DBNL: variants seen among roughly 807,000 people sequenced by gnomAD.
DBNL encodes the protein drebrin-like protein.
A neutral mutation model predicts 62.2 loss-of-function variants in DBNL; 35 were observed. The ratio of observed to expected loss-of-function variants is 0.56; its 90% CI spans 0.43 to 0.75. The LOEUF is 0.75. DBNL is among the 30% of genes least tolerant of loss of function. The probability of loss-of-function intolerance (pLI) is 0.00; values close to 1 mark genes in which losing one functional copy is unlikely to be tolerated. For missense variants in DBNL, 495 were observed against 578.4 expected (o/e 0.86, Z 1.48); for synonymous variants, 197 against 218.0 (o/e 0.90, Z 0.85).
In DBNL at chr7:44,056,835, T is replaced by A; in HGVS notation, c.406T>A (p.Ser136Thr). The stretch of plus-strand genomic sequence containing the variant: ...CATCATGGAGAAGGTGGCCAAGGCT[T>A]CAGGTGCCAACTACAGCTTTCACAA... ...ECIMEKVAKA[S>T]GANYSFHKES... The change falls in exon 5 of 13, where the codon TCA becomes ACA. Residue 136 changes from serine (S) to threonine (T), a missense_variant. By Grantham distance (58) the Ser-to-Thr change is moderately conservative. Transcript: ENST00000448521. 2 of 1,614,064 alleles carry A rather than the reference T, an allele frequency of 1.2e-6. No homozygotes were observed. The highest frequency in any genetic ancestry group is 1.7e-6 in the Non-Finnish European group (2 of 1,179,996).
intron 4 of DBNL, among the ~76,000 whole-genome samples, chr7:44,054,379 G>A (rs1405907859): frequency 1.3e-5 from 2 of 152,128 alleles, no homozygotes; most frequent in African/African-American, 2.4e-5. Context: ...TTTTAGTAGA[G>A]ATGGTGTTTC....
In DBNL at chr7:44,063,111, A is replaced by G. The variant is rs578085644; in HGVS notation, c.*2195A>G. On this transcript the variant is annotated 3_prime_UTR_variant, in exon 13 of 13. Transcript: ENST00000448521. ...AAGGAGTAACTGAGTTAGACCAAGC[A>G]GCCTACAGAAATAGCCCAGTGGTGA... 31 of 672,222 alleles carry G rather than the reference A, an allele frequency of 4.6e-5. 1 individual carries two copies. The East Asian group carries it at 4.8e-4, about 10-fold the overall frequency. 41.6% of individuals were successfully genotyped at this position (672,222 alleles called of 1,614,324 possible).
chr7:44,062,912 ATCGCCTGG>A lies in DBNL; in HGVS notation c.*1999_*2006del. The A allele has an allele frequency of 6.2e-7, 1 of 1,614,152 alleles. No homozygotes were observed. The highest frequency in any genetic ancestry group is 8.5e-7 in the Non-Finnish European group (1 of 1,180,010). ...CCCCGTGGGCAGGTTCAGCTCCATG[ATCGCCTGG>A]TCTGACATCCCTATGCCGGAAGGAA... On this transcript the variant is annotated 3_prime_UTR_variant, in exon 13 of 13. Coordinates refer to ENST00000448521, the MANE Select transcript of DBNL (RefSeq NM_001014436.3).
rs759418955 is a variant in DBNL, at chr7:44,051,836, G to A, written c.146G>A (p.Gly49Asp). 6.2e-7 allele frequency: 1 copy of A among 1,613,990 alleles called. No homozygotes were observed. The highest frequency in any genetic ancestry group is 1.3e-5 in the African/African-American group (1 of 74,928). Residue 49 changes from glycine (G) to aspartate (D), a missense_variant, in exon 3 of 13, where the codon GGC (glycine) becomes GAC (aspartate). Physicochemically the swap from Gly to Asp is moderately conservative, Grantham distance 94 (BLOSUM62 -1). Transcript: ENST00000448521. ...DIRVAGTGEG[G>D]LEEMVEELNS... is the part of the protein sequence containing the mutation. ...CACTGTGACTCTGCTGCAGAGGGTGGCCTGGAGGAGATGGTGGAGGAGCTC... is the reference window on the plus strand; with the variant it reads ...CACTGTGACTCTGCTGCAGAGGGTGACCTGGAGGAGATGGTGGAGGAGCTC...
chr7:44,064,801 A>AGCCC lies in DBNL; in HGVS notation c.*3885_*3886insGCCC. On this transcript the variant is annotated 3_prime_UTR_variant, in exon 13 of 13. Coordinates refer to ENST00000448521, the MANE Select transcript of DBNL (RefSeq NM_001014436.3). ...AGCCAGCTGGGGCTGCTGCCCACCCACCCTGCCCAGGCTCCTGAAGGTGGC... is the reference window on the plus strand; with the variant it reads ...AGCCAGCTGGGGCTGCTGCCCACCCAGCCCCCCTGCCCAGGCTCCTGAAGGTGGC... The AGCCC allele has an allele frequency of 1.4e-6, 1 of 706,516 alleles. No homozygotes were observed. The highest frequency in any genetic ancestry group is 3.9e-5 in the East Asian group (1 of 25,342). The allele number at this position is 706,516 out of a possible 1,614,324, so 43.8% of individuals were successfully genotyped here.
At chr7:44,050,580 G>A (rs2096124907) in intron 2 of DBNL, 3 of 314,350 alleles carry the variant, frequency 9.5e-6, no homozygotes, top group Non-Finnish European at 1.2e-5. Flanking sequence ...AAGCTCACCA[G>A]TCCCAGAACT....
In DBNL at chr7:44,064,588, C is replaced by T. The variant is rs926106342; in HGVS notation, c.*3672C>T. ...TGGCAGATGCCACCTTTGGAGCCTG[C>T]CCCACCTCGGGACACAGCGAGCTTC... On this transcript the variant is annotated 3_prime_UTR_variant, in exon 13 of 13. Coordinates refer to ENST00000448521, the MANE Select transcript of DBNL (RefSeq NM_001014436.3). The T allele has an allele frequency of 1.8e-6, 1 of 553,272 alleles. No homozygotes were observed. The highest frequency in any genetic ancestry group is 3.3e-6 in the Non-Finnish European group (1 of 307,216). 34.3% of individuals were successfully genotyped at this position (553,272 alleles called of 1,614,324 possible). A position where few individuals can be genotyped will look rare whatever the true frequency, so the allele number is the denominator to read the frequency against.
At chr7:44,050,030 G>A in intron 1 of DBNL, 195 bp from the exon 2 acceptor site, 2 of 544,666 alleles carry the variant, frequency 3.7e-6, no homozygotes. Context: ...CAGCTGCAGA[G>A]CTGAGAAGGC....
chr7:44,065,282 C>T lies in DBNL; in HGVS notation c.*4366C>T, dbSNP rs139100874. On this transcript the variant is annotated 3_prime_UTR_variant, in exon 13 of 13. Transcript: ENST00000448521. Reference sequence around the variant, plus strand: ...ATGCCGCTCATTGAGGCGCCAAGTGCGCACCACAGGCAGCCACATCTGGTC... The same window carrying T: ...ATGCCGCTCATTGAGGCGCCAAGTGTGCACCACAGGCAGCCACATCTGGTC... The T allele has an allele frequency of 1.5e-5, 24 of 1,613,600 alleles. No homozygotes were observed. The East Asian group carries it at 2.5e-4, about 16-fold the overall frequency.
rs1275523030 is a variant in DBNL, at chr7:44,069,208, A to C, written c.*8292A>C. The C allele has an allele frequency of 1.3e-5, 2 of 152,256 alleles. No homozygotes were observed. The highest frequency in any genetic ancestry group is 3.8e-4 in the East Asian group (2 of 5,204). 9.4% of individuals were successfully genotyped at this position (152,256 alleles called of 1,614,324 possible). A position where few individuals can be genotyped will look rare whatever the true frequency, so the allele number is the denominator to read the frequency against. ...TCAAAACTTTGGGAATGCAGGAAGA[A>C]CATCATAAATGGCAAAAGTCCACAT... On this transcript the variant is annotated 3_prime_UTR_variant, in exon 13 of 13. Transcript: ENST00000448521.
chr7:44,059,896 C>A lies in DBNL; in HGVS notation c.1048-152C>A. 2 of 825,546 alleles carry A rather than the reference C, an allele frequency of 2.4e-6. No individual in the cohort carries two copies. The highest frequency in any genetic ancestry group is 3.9e-6 in the Non-Finnish European group (2 of 514,482). The allele number at this position is 825,546 out of a possible 1,614,324, so 51.1% of individuals were successfully genotyped here. A position where few individuals can be genotyped will look rare whatever the true frequency, so the allele number is the denominator to read the frequency against. ...TGCACTGTCCTGTGGCTTCTGTACT[C>A]TGGTAGGGCGGGGACAGCAGCAGCC... On this transcript the variant is annotated intron_variant, in intron 11 of 12. Transcript: ENST00000448521. The surrounding 1 kb of genome is among the most constrained non-coding windows in gnomAD (Gnocchi z 4.1).
Position 44,059,442 on chromosome 7 carries a change from C to G in DBNL, c.924C>G (p.Pro308=). The G allele has an allele frequency of 6.2e-7, 1 of 1,614,062 alleles. No individual in the cohort carries two copies. Among genetic ancestry groups the G allele is most frequent in the Non-Finnish European group, 8.5e-7 (1 of 1,179,998 alleles). ...AGCCAGCTGCTGCCATCTCAAGGCC[C>G]AGGGCAGGCAAGGCGCTTGTCACCC... ...GREPAAAISR[P]RADLPAEEPA... The change falls in exon 10 of 13, where the codon CCC becomes CCG. Residue 308 remains proline, a synonymous_variant. Transcript: ENST00000448521. This position sits in a 1 kb window ranked among gnomAD's most constrained non-coding sequence, Gnocchi z 4.1.
chr7:44,048,273 C>T (rs924162792), intron 1 of DBNL, among the ~76,000 whole-genome samples: 1 of 152,224 alleles, frequency 6.6e-6, no homozygotes. Context: ...GCTGCTTGTG[C>T]CAGCTTGCTA....
Position 44,068,082 on chromosome 7 carries a change from T to A in DBNL, c.*7166T>A, listed in dbSNP as rs1185241981. 2 of 152,102 alleles carry A rather than the reference T, an allele frequency of 1.3e-5. No individual in the cohort carries two copies. Among genetic ancestry groups the A allele is most frequent in the Admixed American group, 1.3e-4 (2 of 15,254 alleles). The allele number at this position is 152,102 out of a possible 1,614,324, so 9.4% of individuals were successfully genotyped here. ...CAGTGGTGGCACAGTGACGGTAGTG[T>A]GAGCTGGGTACGCACTTGAAACCTG... On this transcript the variant is annotated 3_prime_UTR_variant, in exon 13 of 13. Transcript: ENST00000448521.
intron 4 of DBNL, 26 bp from the exon 5 acceptor site, chr7:44,056,728 CCTT>C (rs772026695): frequency 1.2e-6 from 2 of 1,613,398 alleles, no homozygotes; most frequent in South Asian, 2.2e-5. Context: ...CTTGCAAAGC[CCTT>C]CTTTCAAGTG....
chr7:44,047,991 A>G (rs1183654667), intron 1 of DBNL, among the ~76,000 whole-genome samples: 6 of 139,828 alleles, frequency 4.3e-5, no homozygotes, highest in Non-Finnish European at 9.0e-5. Flanking sequence ...ATCTTGGCTC[A>G]CTGCAACCTC....
rs2096147477 is a variant in DBNL, at chr7:44,060,812, C to T, written c.1189C>T (p.Leu397Phe). 4 of 1,614,008 alleles carry T rather than the reference C, an allele frequency of 2.5e-6. No homozygotes were observed. The highest frequency in any genetic ancestry group is 1.1e-5 in the South Asian group (1 of 91,084). The change falls in exon 13 of 13, where the codon CTC becomes TTC. Residue 397 changes from leucine (L) to phenylalanine (F), a missense_variant. Leu to Phe is a conservative substitution (Grantham distance 22). Coordinates refer to ENST00000448521, the MANE Select transcript of DBNL (RefSeq NM_001014436.3). The surrounding 1 kb of genome is among the most constrained non-coding windows in gnomAD (Gnocchi z 6.3). ...AGAGATCTCCTTTGACCCCGAGAACCTCATCACGGGCATCGAGGTGATCGA... is the reference window on the plus strand; with the variant it reads ...AGAGATCTCCTTTGACCCCGAGAACTTCATCACGGGCATCGAGGTGATCGA... ...DTEISFDPEN[L>F]ITGIEVIDEG... is the part of the protein sequence containing the mutation.
At chr7:44,053,343 C>T (rs1236046100) in intron 4 of DBNL, among the ~76,000 whole-genome samples, 3 of 152,202 alleles carry the variant, frequency 2.0e-5, no homozygotes, top group South Asian at 2.1e-4. Context: ...CTTTCCAGCC[C>T]CCTCTACATG....
chr7:44,050,195 G>T, intron 1 of DBNL, 30 bp from the exon 2 acceptor site: 1 of 1,612,412 alleles, frequency 6.2e-7, no homozygotes, highest in South Asian at 1.1e-5. Context: ...CAAGGTGCTG[G>T]CTACAGAGCT....
Sources: allele counts gnomAD v4.1 joint callset (sites outside exome capture counted in the v4.1 genomes callset), GRCh38; gene constraint gnomAD v4.1.1; non-coding constraint Gnocchi (gnomAD v3.1); transcripts MANE v1.5; gene names NCBI Gene and HGNC (gene_info 2026-07-23, HGNC 2026-07-21).